Variants in ADCYAP1R1 observed in about 807,000 individuals in gnomAD.
ADCYAP1R1 encodes ADCYAP receptor type I, also known as pituitary adenylate cyclase-activating polypeptide type I receptor.
A neutral mutation model predicts 67.6 loss-of-function variants in ADCYAP1R1; 44 were observed. That is an observed-to-expected ratio of 0.65 (90% CI 0.51 to 0.84). The LOEUF (loss-of-function observed/expected upper bound fraction) is 0.84, where lower values mean the gene tolerates loss of function less well. ADCYAP1R1 is among the 40% of genes least tolerant of loss of function. ADCYAP1R1 has a pLI of 0.00. For synonymous variants in ADCYAP1R1, 222 were observed against 219.6 expected (o/e 1.01, Z -0.10); for missense variants, 477 against 587.9 (o/e 0.81, Z 1.95).
chr7:31,100,849 A>G (rs1188051706), intron 13 of ADCYAP1R1, among the ~76,000 whole-genome samples: 1 of 152,180 alleles, frequency 6.6e-6, no homozygotes, highest in Non-Finnish European at 1.5e-5. Flanking sequence ...TTCAATTTGG[A>G]CATCCCTTTT....
chr7:31,083,204 A>G (rs1795585013), intron 6 of ADCYAP1R1, among the ~76,000 whole-genome samples: 2 of 152,382 alleles, frequency 1.3e-5, no homozygotes, highest in South Asian at 4.1e-4. Context: ...GGCGGGGGCC[A>G]CACTCAGGTG....
chr7:31,081,606 C>T, intron 5 of ADCYAP1R1, 107 bp from the exon 6 acceptor site: 1 of 851,088 alleles, frequency 1.2e-6, no homozygotes, highest in Non-Finnish European at 1.8e-6. Flanking sequence ...ACTCCATCCC[C>T]TACTTCCTGT....
intron 3 of ADCYAP1R1, among the ~76,000 whole-genome samples, chr7:31,075,856 G>A (rs1172754081): frequency 1.3e-5 from 2 of 152,180 alleles, no homozygotes; most frequent in Non-Finnish European, 2.9e-5. Context: ...GTAGGGTGAA[G>A]GGATAGAGAG....
chr7:31,074,010 T>C (rs1408868435), intron 3 of ADCYAP1R1, among the ~76,000 whole-genome samples: 1 of 152,018 alleles, frequency 6.6e-6, no homozygotes, highest in Non-Finnish European at 1.5e-5. Flanking sequence ...CGGCCTGGGG[T>C]GGGGCACCTT....
At chr7:31,105,243 G>A (rs1237119056) in intron 15 of ADCYAP1R1, among the ~76,000 whole-genome samples, 1 of 152,224 alleles carries the variant, frequency 6.6e-6, no homozygotes, top group Non-Finnish European at 1.5e-5. Flanking sequence ...GTGGTGAGGA[G>A]GAATTGACAA....
At chr7:31,096,837 C>T (rs1796215157) in intron 13 of ADCYAP1R1, among the ~76,000 whole-genome samples, 2 of 31,862 alleles carry the variant, frequency 6.3e-5, no homozygotes, top group South Asian at 2.9e-3. Context: ...CAGTCCACCA[C>T]ATTCTGTGGA....
chr7:31,095,525 G>C, intron 13 of ADCYAP1R1: 1 of 689,378 alleles, frequency 1.5e-6, no homozygotes. Flanking sequence ...GCGCAGGGGA[G>C]GTGAGAGGGC....
chr7:31,081,067 CAG>C (rs1157470688), intron 5 of ADCYAP1R1, among the ~76,000 whole-genome samples: 4 of 152,066 alleles, frequency 2.6e-5, no homozygotes, highest in Non-Finnish European at 1.5e-5. Flanking sequence ...AGCATGCAGG[CAG>C]AATAGTGAAG....
At chr7:31,100,021 TG>T (rs1235459651) in intron 13 of ADCYAP1R1, 13 of 1,098,236 alleles carry the variant, frequency 1.2e-5, no homozygotes, top group Non-Finnish European at 1.6e-5. Flanking sequence ...ATGACTGCCC[TG>T]GCCCTGTCTC....
intron 13 of ADCYAP1R1, among the ~76,000 whole-genome samples, chr7:31,100,817 T>A (rs917895326): frequency 6.6e-6 from 1 of 152,196 alleles, no homozygotes; most frequent in African/African-American, 2.4e-5. Flanking sequence ...CCAAGGAGTC[T>A]CTGGCTGGAA....
intron 3 of ADCYAP1R1, among the ~76,000 whole-genome samples, chr7:31,067,711 G>A (rs909266928): frequency 4.6e-5 from 7 of 152,178 alleles, no homozygotes; most frequent in African/African-American, 1.7e-4. Flanking sequence ...ACCAGCCATG[G>A]GATCTTTGAA....
At chr7:31,097,698 A>G (rs1488090236) in intron 13 of ADCYAP1R1, among the ~76,000 whole-genome samples, 1 of 152,186 alleles carries the variant, frequency 6.6e-6, no homozygotes, top group African/African-American at 2.4e-5. Flanking sequence ...GGAAACATCT[A>G]GGGTCCGGGA....
At chr7:31,073,841 G>T (rs540999694) in intron 3 of ADCYAP1R1, among the ~76,000 whole-genome samples, 1 of 152,136 alleles carries the variant, frequency 6.6e-6, no homozygotes, top group East Asian at 1.9e-4. Flanking sequence ...CATTGTCTTT[G>T]GGTCCTGGGG....
intron 13 of ADCYAP1R1, chr7:31,095,751 G>A (rs990985529): frequency 8.4e-6 from 6 of 717,820 alleles, no homozygotes; most frequent in African/African-American, 7.0e-5. Flanking sequence ...TCCCTTTCCT[G>A]TAGGTTGGTT....
intron 15 of ADCYAP1R1, among the ~76,000 whole-genome samples, chr7:31,105,682 G>T (rs1197076060): frequency 6.6e-6 from 1 of 152,166 alleles, no homozygotes; most frequent in Non-Finnish European, 1.5e-5. Flanking sequence ...CTCTGTGATC[G>T]CCCAGACAAC....
chr7:31,102,018 C>T lies in ADCYAP1R1; in HGVS notation c.1047-1219C>T, dbSNP rs894253799. Among the ~76,000 whole-genome samples, 6 of 152,300 alleles carry T rather than the reference C, an allele frequency of 3.9e-5. No homozygotes were observed. The highest frequency in any genetic ancestry group is 2.1e-4 in the South Asian group (1 of 4,826). ...TCCCCCTGTGTCTCCTCCTTCCTTC[C>T]TTCTCCTCTCTGAATGTAAGCTAGG... On this transcript the variant is annotated intron_variant, in intron 13 of 15. Coordinates refer to ENST00000304166, the MANE Select transcript of ADCYAP1R1 (RefSeq NM_001118.5). This position sits in a 1 kb window ranked among gnomAD's most constrained non-coding sequence, Gnocchi z 4.3.
chr7:31,078,138 C>A lies in ADCYAP1R1; in HGVS notation c.265+40C>A, dbSNP rs758341880. ...GTCTCTTTAGGCCACGCTGGCCTAG[C>A]CTGCTCCCCAAATTCGGCCCCAGGC... On this transcript the variant is annotated intron_variant, in intron 4 of 15. Coordinates refer to ENST00000304166, the MANE Select transcript of ADCYAP1R1 (RefSeq NM_001118.5). The A allele has an allele frequency of 6.0e-6, 9 of 1,505,702 alleles. No individual in the cohort carries two copies. In the African/African-American group the frequency reaches 8.3e-5, roughly 14 times the overall value. 93.3% of individuals were successfully genotyped at this position (1,505,702 alleles called of 1,614,324 possible). A position where few individuals can be genotyped will look rare whatever the true frequency, so the allele number is the denominator to read the frequency against.
At chr7:31,065,021 G>A in intron 3 of ADCYAP1R1, 85 bp downstream of exon 3, 1 of 1,038,264 alleles carries the variant, frequency 9.6e-7, no homozygotes, top group South Asian at 1.6e-5. Flanking sequence ...GCCAGTGAGT[G>A]GTCAAGGTAT....
chr7:31,076,170 G>A lies in ADCYAP1R1; in HGVS notation c.158-1821G>A, dbSNP rs774105747. ...CATGAGCAGGGTGAGCTCATCCAAG[G>A]TGGGCAGGGTGGGCGGCCAAAGGCA... is the stretch of plus-strand genomic sequence containing the variant. On this transcript the variant is annotated intron_variant, in intron 3 of 15. Transcript: ENST00000304166. Among the ~76,000 whole-genome samples the A allele has an allele frequency of 7.2e-5, 11 of 152,250 alleles. No individual in the cohort carries two copies. The South Asian group carries it at 2.3e-3, about 32-fold the overall frequency.
Sources: allele counts gnomAD v4.1 joint callset (sites outside exome capture counted in the v4.1 genomes callset), GRCh38; gene constraint gnomAD v4.1.1; non-coding constraint Gnocchi (gnomAD v3.1); transcripts MANE v1.5; gene names NCBI Gene and HGNC (gene_info 2026-07-23, HGNC 2026-07-21).